ATF2: variants seen among roughly 807,000 people sequenced by gnomAD.
ATF2 encodes activating transcription factor 2.
A neutral mutation model predicts 60.6 loss-of-function variants in ATF2; 24 were observed. The observed-to-expected ratio is 0.40, with a 90% CI of 0.29 to 0.56. The LOEUF (loss-of-function observed/expected upper bound fraction) is 0.56. ATF2 is among the 20% of genes least tolerant of loss of function. The pLI, the probability that ATF2 is intolerant of heterozygous loss-of-function variation, is 0.54. For synonymous variants in ATF2, 206 were observed against 215.4 expected (o/e 0.96, Z 0.38); for missense variants, 433 against 607.7 (o/e 0.71, Z 3.02).
intron 13 of ATF2, among the ~76,000 whole-genome samples, chr2:175,078,652 A>C (rs1693544456): frequency 6.6e-6 from 1 of 152,138 alleles, no homozygotes; most frequent in South Asian, 2.1e-4. Context: ...CTTAATTTCT[A>C]CTAAATCTTA....
rs1344621627 is a variant in ATF2, at chr2:175,072,614, TAA to T, written c.*1993_*1994del. 5.9e-5 allele frequency: 9 copies of T among 152,116 alleles called. No homozygotes were observed. In the South Asian group the frequency reaches 8.3e-4, roughly 14 times the overall value. The allele number at this position is 152,116 out of a possible 1,614,324, so 9.4% of individuals were successfully genotyped here. On this transcript the variant is annotated 3_prime_UTR_variant, in exon 14 of 14. Transcript: ENST00000264110. ...TGAAAGAAAAATGTACTGAAGGACTTAAGAGTGAAAAATTGAGGCTTTTCCTA... is the reference window on the plus strand; with the variant it reads ...TGAAAGAAAAATGTACTGAAGGACTTGAGTGAAAAATTGAGGCTTTTCCTA...
intron 7 of ATF2, among the ~76,000 whole-genome samples, chr2:175,116,087 G>T (rs1696544192): frequency 6.6e-6 from 1 of 152,126 alleles, no homozygotes; most frequent in Non-Finnish European, 1.5e-5. Context: ...GAGGGCTTAT[G>T]CCAAGGAGTG....
At chr2:175,100,703 T>C (rs1695256152) in intron 10 of ATF2, among the ~76,000 whole-genome samples, 1 of 152,234 alleles carries the variant, frequency 6.6e-6, no homozygotes, top group South Asian at 2.1e-4. Context: ...CTCTTCCTTA[T>C]TTGAAGGTGT....
chr2:175,099,919 GATTC>G (rs1333091989), intron 10 of ATF2, among the ~76,000 whole-genome samples: 5 of 152,188 alleles, frequency 3.3e-5, no homozygotes, highest in African/African-American at 1.2e-4. Flanking sequence ...GTGGCTTAAT[GATTC>G]AAAAAACAAT....
chr2:175,112,309 A>T (rs1696252003), intron 9 of ATF2, among the ~76,000 whole-genome samples: 1 of 152,176 alleles, frequency 6.6e-6, no homozygotes, highest in African/African-American at 2.4e-5. Context: ...TCCTCAAAAA[A>T]ATATTCTCAG....
chr2:175,127,717 A>C (rs1381428521), intron 4 of ATF2, among the ~76,000 whole-genome samples: 3 of 152,220 alleles, frequency 2.0e-5, no homozygotes, highest in Admixed American at 6.5e-5. Flanking sequence ...CTGCTCCTTT[A>C]GTCTAGAAAC....
chr2:175,161,023 G>T lies in ATF2; in HGVS notation c.-143+7027C>A, dbSNP rs189656519. ...ACTGCACTCCAACCTGCATGACAGAGTAAGACTTTGTCTCAAAAATACAAA... is the reference window on the plus strand; with the variant it reads ...ACTGCACTCCAACCTGCATGACAGATTAAGACTTTGTCTCAAAAATACAAA... On this transcript the variant is annotated intron_variant, in intron 1 of 13. Transcript: ENST00000264110. 2.0e-3 allele frequency among the ~76,000 whole-genome samples: 300 copies of T among 152,220 alleles called. 4 individuals carry two copies. Among genetic ancestry groups the T allele is most frequent in the Non-Finnish European group, 1.8e-4 (12 of 68,012 alleles).
chr2:175,147,662 G>C (rs1699042256), intron 2 of ATF2, among the ~76,000 whole-genome samples: 1 of 152,096 alleles, frequency 6.6e-6, no homozygotes, highest in Non-Finnish European at 1.5e-5. Context: ...AAGAATAAAA[G>C]TTGCTTGATG....
At chr2:175,163,338 T>TA (rs1319418580) in intron 1 of ATF2, among the ~76,000 whole-genome samples, 1 of 152,100 alleles carries the variant, frequency 6.6e-6, no homozygotes, top group Non-Finnish European at 1.5e-5. Flanking sequence ...TGGTCAATAT[T>TA]ATAGATAAAA....
intron 12 of ATF2, among the ~76,000 whole-genome samples, chr2:175,081,054 G>A (rs1321406736): frequency 1.3e-5 from 2 of 152,100 alleles, no homozygotes; most frequent in African/African-American, 4.8e-5. Flanking sequence ...GTGACCTGTT[G>A]AAAGTATTTT....
At chr2:175,085,989 A>G (rs1694144742) in intron 12 of ATF2, among the ~76,000 whole-genome samples, 1 of 152,326 alleles carries the variant, frequency 6.6e-6, no homozygotes, top group African/African-American at 2.4e-5. Flanking sequence ...TAAAAGGTAT[A>G]ATATACAAGC....
chr2:175,099,102 C>CTT lies in ATF2; in HGVS notation c.829-1511_829-1510dup, dbSNP rs35356799. On this transcript the variant is annotated intron_variant, in intron 10 of 13. Coordinates refer to ENST00000264110, the MANE Select transcript of ATF2 (RefSeq NM_001880.4). ...TTTAGTGTACAATCCTATTAAATTT[C>CTT]TTTTTTTTTTTTTTTTTTTCAAGAG... Among the ~76,000 whole-genome samples, 436 of 113,558 alleles carry CTT rather than the reference C, an allele frequency of 3.8e-3. 8 individuals carry two copies. The highest frequency in any genetic ancestry group is 0.012 in the African/African-American group (376 of 30,414). The allele number at this position is 113,558 out of a possible 152,430, so 74.5% of individuals were successfully genotyped here. A position where few individuals can be genotyped will look rare whatever the true frequency, so the allele number is the denominator to read the frequency against.
chr2:175,138,182 T>G (rs1371433909), intron 2 of ATF2, among the ~76,000 whole-genome samples: 14 of 152,216 alleles, frequency 9.2e-5, no homozygotes, highest in Admixed American at 9.2e-4. Flanking sequence ...GTAAAATTTT[T>G]TAGAAGTCGG....
At chr2:175,113,366 A>C (rs1696334093) in intron 9 of ATF2, among the ~76,000 whole-genome samples, 1 of 151,230 alleles carries the variant, frequency 6.6e-6, no homozygotes, top group South Asian at 2.1e-4. Flanking sequence ...CAATCCTCCT[A>C]CCTCAGCCGC....
intron 2 of ATF2, among the ~76,000 whole-genome samples, chr2:175,138,981 A>C (rs906280196): frequency 1.3e-5 from 2 of 152,242 alleles, no homozygotes; most frequent in Non-Finnish European, 2.9e-5. Flanking sequence ...CAAGGTTCTA[A>C]GCAACTTTGC....
chr2:175,115,297 G>A (rs2105694222), intron 7 of ATF2, among the ~76,000 whole-genome samples: 1 of 152,228 alleles, frequency 6.6e-6, no homozygotes, highest in East Asian at 1.9e-4. Context: ...TGTTATGGCT[G>A]ATACAATTAA....
At chr2:175,159,313 C>G (rs576828089) in intron 1 of ATF2, among the ~76,000 whole-genome samples, 4 of 150,148 alleles carry the variant, frequency 2.7e-5, no homozygotes, top group Non-Finnish European at 1.5e-5. Context: ...AGCAAGACTC[C>G]GTCTCAAAAA....
intron 10 of ATF2, among the ~76,000 whole-genome samples, chr2:175,110,024 A>G (rs1016738163): frequency 6.6e-6 from 1 of 152,214 alleles, no homozygotes; most frequent in Non-Finnish European, 1.5e-5. Flanking sequence ...GATTGTCTGC[A>G]CTAATGGAGA....
intron 13 of ATF2, among the ~76,000 whole-genome samples, chr2:175,079,182 T>C (rs558030205): frequency 5.9e-5 from 9 of 152,292 alleles, no homozygotes; most frequent in Admixed American, 4.6e-4. Context: ...ATACATTGCC[T>C]GGATAATAGA....
Sources: gnomAD v4.1 joint callset for allele counts (sites outside exome capture counted in the v4.1 genomes callset) on GRCh38, gnomAD v4.1.1 for gene constraint, MANE v1.5 for transcripts, NCBI Gene and HGNC (gene_info 2026-07-23, HGNC 2026-07-21) for gene names.